TARS3: variants seen among roughly 807,000 people sequenced by gnomAD.
TARS3 encodes the protein threonine--tRNA ligase 2, cytoplasmic.
Under a neutral mutation model 103.5 loss-of-function variants are expected in TARS3, and 94 were observed. The observed-to-expected ratio is 0.91, with a 90% CI of 0.77 to 1.08. The LOEUF is 1.08. Among genes scored for constraint, TARS3 ranks in the 50% least tolerant of loss-of-function variants. TARS3 has a pLI of 0.00. For missense variants in TARS3, 952 were observed against 995.2 expected (o/e 0.96, Z 0.58); for synonymous variants, 416 against 355.4 (o/e 1.17, Z -1.92).
chr15:101,678,120 C>T lies in TARS3; in HGVS notation c.1651-2383G>A, dbSNP rs190847688. The stretch of plus-strand genomic sequence containing the variant: ...CTCAGCATCCTGATAGCTGGGATTA[C>T]AGGTGTGTGCCACCACACCCAGCTA... On this transcript the variant is annotated intron_variant, in intron 12 of 18. Coordinates refer to ENST00000335968, the MANE Select transcript of TARS3 (RefSeq NM_152334.3). Among the ~76,000 whole-genome samples the T allele has an allele frequency of 2.2e-3, 328 of 151,864 alleles. 4 individuals carry two copies. The highest frequency in any genetic ancestry group is 7.5e-3 in the African/African-American group (311 of 41,406).
chr15:101,686,376 T>C (rs1898475727), intron 10 of TARS3, among the ~76,000 whole-genome samples: 1 of 152,192 alleles, frequency 6.6e-6, no homozygotes, highest in African/African-American at 2.4e-5. Flanking sequence ...CCAAAGTCCT[T>C]CTAAACAGGT....
At chr15:101,719,439 A>G (rs539175804) in intron 3 of TARS3, among the ~76,000 whole-genome samples, 55 of 152,302 alleles carry the variant, frequency 3.6e-4, no homozygotes, top group Non-Finnish European at 6.2e-4. Context: ...AAGAGTACCC[A>G]CAGATATCTG....
chr15:101,674,466 C>T (rs1194943332), intron 13 of TARS3, among the ~76,000 whole-genome samples: 3 of 152,204 alleles, frequency 2.0e-5, no homozygotes, highest in Non-Finnish European at 4.4e-5. Context: ...GAAATTCATG[C>T]TAGTTTTTGC....
chr15:101,665,781 G>T (rs1897556390), intron 15 of TARS3, among the ~76,000 whole-genome samples: 1 of 152,120 alleles, frequency 6.6e-6, no homozygotes, highest in Non-Finnish European at 1.5e-5. Context: ...TTTAAAATTT[G>T]CTCTTTGAAA....
At chr15:101,684,025 C>T (rs773981484) in intron 12 of TARS3, 50 bp downstream of exon 12, 30 of 1,561,180 alleles carry the variant, frequency 1.9e-5, no homozygotes, top group Non-Finnish European at 2.1e-5. Context: ...GTGTGCGGGG[C>T]ATCACACTCA....
intron 15 of TARS3, among the ~76,000 whole-genome samples, chr15:101,666,126 C>T (rs2141385630): frequency 6.6e-6 from 1 of 152,240 alleles, no homozygotes; most frequent in South Asian, 2.1e-4. Context: ...TGTCTACTTA[C>T]TCTGGAAATG....
chr15:101,681,273 C>A (rs2087957), intron 12 of TARS3, among the ~76,000 whole-genome samples: 1 of 152,076 alleles, frequency 6.6e-6, no homozygotes, highest in African/African-American at 2.4e-5. Flanking sequence ...GCTTTCTATA[C>A]GAATTTTAGA....
intron 16 of TARS3, among the ~76,000 whole-genome samples, chr15:101,658,506 TAGG>T: frequency 6.6e-6 from 1 of 151,814 alleles, no homozygotes; most frequent in East Asian, 1.9e-4. Flanking sequence ...GGCTGTCAGA[TAGG>T]AGGACAGGGT....
chr15:101,674,610 T>C (rs1216562954), intron 13 of TARS3, among the ~76,000 whole-genome samples: 3 of 151,850 alleles, frequency 2.0e-5, no homozygotes, highest in Non-Finnish European at 4.4e-5. Flanking sequence ...ATCGAGACCA[T>C]CCTGGCTAAC....
chr15:101,674,406 A>T (rs560733245), intron 13 of TARS3, among the ~76,000 whole-genome samples: 2 of 152,360 alleles, frequency 1.3e-5, no homozygotes, highest in Non-Finnish European at 2.9e-5. Flanking sequence ...ATGGTTAAAA[A>T]AAAATCTTCT....
chr15:101,655,427 G>A (rs541263853), intron 18 of TARS3, among the ~76,000 whole-genome samples: 96 of 140,482 alleles, frequency 6.8e-4, no homozygotes, highest in African/African-American at 2.5e-3. Context: ...AAATGAGAGC[G>A]GGGAGCTCTT....
intron 15 of TARS3, among the ~76,000 whole-genome samples, chr15:101,670,215 C>CA (rs1897742515): frequency 1.3e-5 from 2 of 151,946 alleles, no homozygotes; most frequent in South Asian, 4.2e-4. Context: ...AAAGATATTA[C>CA]AAAAAATGAA....
At chr15:101,690,963 G>A (rs2141414324) in intron 10 of TARS3, among the ~76,000 whole-genome samples, 1 of 151,640 alleles carries the variant, frequency 6.6e-6, no homozygotes, top group East Asian at 1.9e-4. Flanking sequence ...TTTTGAAATG[G>A]AGTCTCGCTC....
intron 15 of TARS3, among the ~76,000 whole-genome samples, chr15:101,662,552 C>G (rs2141382419): frequency 6.6e-6 from 1 of 152,288 alleles, no homozygotes; most frequent in Middle Eastern, 3.4e-3. Context: ...TGAGTTGTAA[C>G]TGGATATCAT....
At position 101,654,479 on chromosome 15, in the gene TARS3, C is replaced by T. The variant is rs1596274127; in HGVS notation, c.*103G>A. 1.1e-5 allele frequency: 13 copies of T among 1,198,970 alleles called. No individual in the cohort carries two copies. The highest frequency in any genetic ancestry group is 2.5e-5 in the East Asian group (1 of 40,416). 74.3% of individuals were successfully genotyped at this position (1,198,970 alleles called of 1,614,324 possible). The stretch of plus-strand genomic sequence containing the variant: ...TTTCTCAGCTGAGGCCATGAGTGGA[C>T]CCATCAGTGGCTCCAAAGTCGTAGA... On this transcript the variant is annotated 3_prime_UTR_variant, in exon 19 of 19. Transcript: ENST00000335968.
At chr15:101,702,126 A>C in intron 9 of TARS3, 113 bp downstream of exon 9, 1 of 1,329,310 alleles carries the variant, frequency 7.5e-7, no homozygotes, top group Non-Finnish European at 1.1e-6. Flanking sequence ...TGCCAGCAAA[A>C]TAGGAGAGAA....
intron 8 of TARS3, 60 bp from the exon 9 acceptor site, chr15:101,702,445 T>C: frequency 7.2e-7 from 1 of 1,394,854 alleles, no homozygotes. Context: ...GTAAAACTGC[T>C]CTTAAATACA....
At position 101,711,958 on chromosome 15, in the gene TARS3, T is replaced by C. The variant is rs2141446148; in HGVS notation, c.734A>G (p.Glu245Gly). The C allele has an allele frequency of 6.2e-7, 1 of 1,613,896 alleles. No homozygotes were observed. The highest frequency in any genetic ancestry group is 8.5e-7 in the Non-Finnish European group (1 of 1,179,820). ...GCACAGGTGGCCTCCATAGTAAAGCTCCATGGCCTCCCCAAGAATGTGAGC... is the reference window on the plus strand; with the variant it reads ...GCACAGGTGGCCTCCATAGTAAAGCCCCATGGCCTCCCCAAGAATGTGAGC... ...SSAHILGEAM[E>G]LYYGGHLCYG... Residue 245 changes from glutamate (E) to glycine (G), a missense_variant, in exon 5 of 19, where the codon GAG becomes GGG. By Grantham distance (98) the Glu-to-Gly change is moderately conservative. This residue lies in a region of TARS3 where 412 missense variants were observed against 364.2 expected (regional missense o/e 1.13). Coordinates refer to ENST00000335968, the MANE Select transcript of TARS3 (RefSeq NM_152334.3).
intron 16 of TARS3, among the ~76,000 whole-genome samples, chr15:101,661,145 A>ACCACAAGATGCACCCCTCAAAAAG (rs1233529777): frequency 1.0e-5 from 1 of 99,572 alleles, no homozygotes; most frequent in Non-Finnish European, 2.0e-5. Context: ...CACTCAAAAA[A>ACCACAAGATGCACCCCTCAAAAAG]GACCACAAGA....
Sources: allele counts gnomAD v4.1 joint callset (sites outside exome capture counted in the v4.1 genomes callset), GRCh38; gene constraint gnomAD v4.1.1; regional missense constraint gnomAD v4.1.1; transcripts MANE v1.5; gene names NCBI Gene and HGNC (gene_info 2026-07-23, HGNC 2026-07-21).